The following LYPLAL1 variants were observed in gnomAD, a reference collection of about 807,000 sequenced individuals.
LYPLAL1 encodes lysophospholipase like 1, also known as lysophospholipase-like protein 1.
Under a neutral mutation model 19.7 loss-of-function variants are expected in LYPLAL1, and 23 were observed. That is an observed-to-expected ratio of 1.17 (90% confidence interval 0.84 to 1.65). The LOEUF (loss-of-function observed/expected upper bound fraction) is 1.65, where lower values mean the gene tolerates loss of function less well. Among genes scored for constraint, LYPLAL1 ranks in the 40% most tolerant of loss-of-function variants. LYPLAL1 has a pLI of 0.00. For missense variants in LYPLAL1, 355 were observed against 279.4 expected (o/e 1.27, Z -1.93); for synonymous variants, 119 against 96.3 (o/e 1.24, Z -1.38).
chr1:219,395,112 C>A, the LYPLAL1 span, among the ~76,000 whole-genome samples: 1 of 152,140 alleles, frequency 6.6e-6, no homozygotes, highest in Non-Finnish European at 1.5e-5. Flanking sequence ...TATGAGATAG[C>A]CACTTATAGT....
chr1:219,281,579 A>T, the LYPLAL1 span, among the ~76,000 whole-genome samples: 6 of 152,234 alleles, frequency 3.9e-5, no homozygotes, highest in East Asian at 1.2e-3. Flanking sequence ...CAGCCAAGCA[A>T]CTACTATAGA....
At chr1:219,200,501 T>C (rs1658010999) in intron 3 of LYPLAL1, 1 of 157,308 alleles carries the variant, frequency 6.4e-6, no homozygotes, top group Non-Finnish European at 1.4e-5. Flanking sequence ...GGACTGTCAC[T>C]GCCACCACGT....
At chr1:219,214,001 C>T (rs1659195308), downstream of LYPLAL1, among the ~76,000 whole-genome samples, 1 of 152,114 alleles carries the variant, frequency 6.6e-6, no homozygotes, top group African/African-American at 2.4e-5. Context: ...AGTCTTACAT[C>T]ATTAAATATG....
At chr1:219,349,952 T>C in the LYPLAL1 span, among the ~76,000 whole-genome samples, 3 of 152,194 alleles carry the variant, frequency 2.0e-5, no homozygotes, top group African/African-American at 7.2e-5. Context: ...AGCAATTGGA[T>C]TTTCTTGGAG....
At chr1:219,444,715 G>A in the LYPLAL1 span, among the ~76,000 whole-genome samples, 7 of 152,084 alleles carry the variant, frequency 4.6e-5, no homozygotes, top group Non-Finnish European at 8.8e-5. Context: ...CCTCTGATTG[G>A]TAAAGCAGAT....
chr1:219,191,628 C>T (rs1348900491), intron 2 of LYPLAL1, among the ~76,000 whole-genome samples: 1 of 150,720 alleles, frequency 6.6e-6, no homozygotes, highest in Non-Finnish European at 1.5e-5. Flanking sequence ...CACAGTTTAC[C>T]GAATGTAAAG....
Position 219,211,952 on chromosome 1 carries a change from A to G in LYPLAL1, c.*224A>G, listed in dbSNP as rs1659077874. 2 of 356,066 alleles carry G rather than the reference A, an allele frequency of 5.6e-6. No individual in the cohort carries two copies. The highest frequency in any genetic ancestry group is 1.0e-5 in the Non-Finnish European group (2 of 199,286). The allele number at this position is 356,066 out of a possible 1,614,324, so 22.1% of individuals were successfully genotyped here. A position where few individuals can be genotyped will look rare whatever the true frequency, so the allele number is the denominator to read the frequency against. The stretch of plus-strand genomic sequence containing the variant: ...GACACAATTCTGTAAATATTTGGAA[A>G]CCTTTTAAGTATTTAAACTTTTAAA... On this transcript the variant is annotated 3_prime_UTR_variant, in exon 5 of 5. Transcript: ENST00000366928.
chr1:219,215,715 A>G (rs1374217687), downstream of LYPLAL1, among the ~76,000 whole-genome samples: 1 of 152,068 alleles, frequency 6.6e-6, no homozygotes, highest in East Asian at 1.9e-4. Flanking sequence ...CCCTCCCTGT[A>G]CTGTGGACTG....
chr1:219,208,999 G>T (rs1018728491), intron 3 of LYPLAL1, among the ~76,000 whole-genome samples: 1 of 152,004 alleles, frequency 6.6e-6, no homozygotes, highest in Admixed American at 6.6e-5. Context: ...TAACCTTTTG[G>T]AGAATCTAAT....
At chr1:219,379,690 G>A in the LYPLAL1 span, among the ~76,000 whole-genome samples, 1 of 152,120 alleles carries the variant, frequency 6.6e-6, no homozygotes, top group African/African-American at 2.4e-5. Context: ...ATTAATAATG[G>A]TGAGTGGGAT....
chr1:219,265,882 A>T, the LYPLAL1 span, among the ~76,000 whole-genome samples: 1 of 152,196 alleles, frequency 6.6e-6, no homozygotes. Context: ...AAAGTACAGT[A>T]AAAGTACAGT....
At chr1:219,309,666 C>G in the LYPLAL1 span, among the ~76,000 whole-genome samples, 3 of 152,170 alleles carry the variant, frequency 2.0e-5, no homozygotes, top group Non-Finnish European at 4.4e-5. Flanking sequence ...TCCTCATTTT[C>G]TGTCGCCTTC....
chr1:219,225,584 C>G, the LYPLAL1 span: 33 of 152,242 alleles, frequency 2.2e-4, no homozygotes, highest in African/African-American at 7.9e-4. Context: ...TAGTTCTACC[C>G]TCCTCATAAT....
chr1:219,276,164 G>C, the LYPLAL1 span, among the ~76,000 whole-genome samples: 1 of 152,054 alleles, frequency 6.6e-6, no homozygotes, highest in Admixed American at 6.6e-5. Flanking sequence ...TCTTTCAGCT[G>C]GTCCCACTTG....
chr1:219,287,167 C>G, the LYPLAL1 span, among the ~76,000 whole-genome samples: 1 of 152,168 alleles, frequency 6.6e-6, no homozygotes, highest in Non-Finnish European at 1.5e-5. Flanking sequence ...AAAACCAAAA[C>G]AATCCTCTTT....
chr1:219,277,723 T>C, the LYPLAL1 span, among the ~76,000 whole-genome samples: 1 of 152,200 alleles, frequency 6.6e-6, no homozygotes, highest in Admixed American at 6.5e-5. Context: ...TTTAACAAAT[T>C]GGCTTAAATA....
At chr1:219,253,973 A>G in the LYPLAL1 span, among the ~76,000 whole-genome samples, 4 of 152,166 alleles carry the variant, frequency 2.6e-5, no homozygotes, top group African/African-American at 9.6e-5. Flanking sequence ...TGTTGGGTGC[A>G]TATATAAATT....
the LYPLAL1 span, among the ~76,000 whole-genome samples, chr1:219,268,064 T>G: frequency 6.6e-6 from 1 of 152,216 alleles, no homozygotes; most frequent in Admixed American, 6.5e-5. Flanking sequence ...AAGCACTTAC[T>G]ATGTGTTAGG....
chr1:219,376,781 A>G, the LYPLAL1 span, among the ~76,000 whole-genome samples: 5 of 152,376 alleles, frequency 3.3e-5, no homozygotes, highest in African/African-American at 9.6e-5. Context: ...CACGATCATT[A>G]GAATGGGCAA....
Sources: gnomAD v4.1 joint callset for allele counts (sites outside exome capture counted in the v4.1 genomes callset) on GRCh38, gnomAD v4.1.1 for gene constraint, MANE v1.5 for transcripts, NCBI Gene and HGNC (gene_info 2026-07-23, HGNC 2026-07-21) for gene names.